Variants in PCDH15 observed in about 807,000 individuals in gnomAD.
The protein encoded by PCDH15 is protocadherin related 15, also known as protocadherin-15.
Under a neutral mutation model 178.5 loss-of-function variants are expected in PCDH15, and 129 were observed. That is an observed-to-expected ratio of 0.72 (90% CI 0.63 to 0.84). The LOEUF (loss-of-function observed/expected upper bound fraction) is 0.84. PCDH15 is among the 40% of genes least tolerant of loss of function. PCDH15 has a pLI of 0.00. For synonymous variants in PCDH15, 800 were observed against 732.0 expected (o/e 1.09, Z -1.50); for missense variants, 2,230 against 2,099.9 (o/e 1.06, Z -1.21).
Position 54,568,356 on chromosome 10 carries a change from C to T in PCDH15, c.92-40479G>A, listed in dbSNP as rs565031977. ...TAAAATAGCCCACCACGCATTCCCTCACATCTTATCCCCTCCCTTTTTGTA... is the reference window on the plus strand; with the variant it reads ...TAAAATAGCCCACCACGCATTCCCTTACATCTTATCCCCTCCCTTTTTGTA... On this transcript the variant is annotated intron_variant, in intron 2 of 37. Transcript: ENST00000644397. 7.2e-5 allele frequency among the ~76,000 whole-genome samples: 11 copies of T among 152,136 alleles called. No individual in the cohort carries two copies. In the East Asian group the frequency reaches 2.1e-3, roughly 30 times the overall value.
intron 1 of PCDH15, among the ~76,000 whole-genome samples, chr10:55,195,763 TGTGGAA>T (rs1260931400): frequency 6.6e-6 from 1 of 152,014 alleles, no homozygotes; most frequent in Non-Finnish European, 1.5e-5. Flanking sequence ...TAAAATTTAT[TGTGGAA>T]ATATTCATGA....
intron 2 of PCDH15, among the ~76,000 whole-genome samples, chr10:55,626,169 A>G: frequency 6.7e-6 from 1 of 149,792 alleles, no homozygotes; most frequent in East Asian, 2.2e-4. Flanking sequence ...GAATAAATAA[A>G]TAAATAAATA....
At chr10:55,168,911 T>C (rs989181344) in intron 1 of PCDH15, among the ~76,000 whole-genome samples, 2 of 152,118 alleles carry the variant, frequency 1.3e-5, no homozygotes, top group East Asian at 1.9e-4. Context: ...AATTAGATCT[T>C]AAATAGAGAG....
At chr10:53,898,053 G>A (rs981073487) in intron 26 of PCDH15, among the ~76,000 whole-genome samples, 1 of 133,022 alleles carries the variant, frequency 7.5e-6, no homozygotes, top group Non-Finnish European at 1.5e-5. Context: ...TGCAAGCTCC[G>A]CCTCCTGGGT....
chr10:54,651,946 C>T (rs1319792763), intron 2 of PCDH15, among the ~76,000 whole-genome samples: 5 of 151,096 alleles, frequency 3.3e-5, no homozygotes, highest in Admixed American at 2.0e-4. Flanking sequence ...GCACATGGAA[C>T]ACCAAATGTG....
At chr10:54,739,249 T>C (rs1189414589) in intron 1 of PCDH15, among the ~76,000 whole-genome samples, 1 of 151,714 alleles carries the variant, frequency 6.6e-6, no homozygotes, top group Non-Finnish European at 1.5e-5. Context: ...ATACAACAAT[T>C]AATAACATTT....
intron 2 of PCDH15, among the ~76,000 whole-genome samples, chr10:55,486,035 T>C (rs968138107): frequency 1.3e-5 from 2 of 151,760 alleles, no homozygotes; most frequent in Non-Finnish European, 3.0e-5. Context: ...ATTAAGTGTG[T>C]GCTTTGCAAT....
At chr10:55,598,724 A>T (rs1842996076) in intron 2 of PCDH15, among the ~76,000 whole-genome samples, 1 of 151,930 alleles carries the variant, frequency 6.6e-6, no homozygotes, top group African/African-American at 2.4e-5. Context: ...TGCTTGATTG[A>T]ATAAGGCCAT....
intron 9 of PCDH15, among the ~76,000 whole-genome samples, chr10:54,218,733 T>A (rs1310914254): frequency 6.6e-6 from 1 of 151,498 alleles, no homozygotes; most frequent in East Asian, 1.9e-4. Context: ...TTATACCACC[T>A]ATGAAACAGT....
intron 2 of PCDH15, among the ~76,000 whole-genome samples, chr10:55,374,294 C>T (rs1487087922): frequency 6.6e-6 from 1 of 152,032 alleles, no homozygotes; most frequent in African/African-American, 2.4e-5. Context: ...GTGTGCAGGC[C>T]AATGGCCTTG....
intron 2 of PCDH15, among the ~76,000 whole-genome samples, chr10:55,538,366 G>A (rs1841633273): frequency 6.6e-6 from 1 of 151,768 alleles, no homozygotes; most frequent in African/African-American, 2.4e-5. Context: ...GTTACGAATA[G>A]GAAAGCTTTT....
chr10:55,467,234 GA>G (rs1218274901), intron 2 of PCDH15, among the ~76,000 whole-genome samples: 1 of 152,070 alleles, frequency 6.6e-6, no homozygotes, highest in African/African-American at 2.4e-5. Context: ...AACAGGAAAA[GA>G]AAAAAGGCAG....
intron 17 of PCDH15, among the ~76,000 whole-genome samples, chr10:54,077,783 C>T (rs576601715): frequency 1.6e-4 from 24 of 152,302 alleles, no homozygotes; most frequent in Admixed American, 1.3e-3. Flanking sequence ...TTAGGGCAGG[C>T]TGGGCGCAGT....
At chr10:54,677,057 A>G (rs1195605548) in intron 1 of PCDH15, among the ~76,000 whole-genome samples, 1 of 152,154 alleles carries the variant, frequency 6.6e-6, no homozygotes, top group East Asian at 1.9e-4. Flanking sequence ...GCCCACACCA[A>G]TCAACTCATC....
chr10:53,822,943 T>G lies in PCDH15; in HGVS notation c.4368-2713A>C, dbSNP rs397517461. 2.9e-5 allele frequency: 47 copies of G among 1,614,030 alleles called. 1 individual carries two copies. The Admixed American group carries it at 7.0e-4, about 24-fold the overall frequency. ...GTGCCTTGCCACTGCTGCAGATCTA[T>G]GATCTCTGGTCTATTTGGAACTTTC... On this transcript the variant is annotated intron_variant, in intron 32 of 37. Coordinates refer to ENST00000644397, the MANE Select transcript of PCDH15 (RefSeq NM_001384140.1).
intron 3 of PCDH15, among the ~76,000 whole-genome samples, chr10:54,498,194 A>G (rs1239628778): frequency 6.6e-6 from 1 of 152,168 alleles, no homozygotes; most frequent in Admixed American, 6.6e-5. Flanking sequence ...AAAATTTCAT[A>G]TCCAGCCAAA....
At chr10:54,002,219 G>A (rs2092192570) in intron 20 of PCDH15, among the ~76,000 whole-genome samples, 1 of 151,748 alleles carries the variant, frequency 6.6e-6, no homozygotes, top group South Asian at 2.1e-4. Context: ...AAGCTAAAGA[G>A]CCAGATACAT....
chr10:54,790,839 G>A (rs1951340954), intron 1 of PCDH15, among the ~76,000 whole-genome samples: 1 of 151,628 alleles, frequency 6.6e-6, no homozygotes, highest in Admixed American at 6.6e-5. Context: ...ATAAAAGGTG[G>A]GAATAGGGAG....
At chr10:54,658,626 A>G (rs1057041384) in intron 2 of PCDH15, among the ~76,000 whole-genome samples, 31 of 152,304 alleles carry the variant, frequency 2.0e-4, no homozygotes, top group African/African-American at 7.5e-4. Context: ...GGTCCTTCAA[A>G]AAATCCTTAA....
Sources: allele counts gnomAD v4.1 joint callset (sites outside exome capture counted in the v4.1 genomes callset), GRCh38; gene constraint gnomAD v4.1.1; transcripts MANE v1.5; gene names NCBI Gene and HGNC (gene_info 2026-07-23, HGNC 2026-07-21).